Variants in PIGK observed in about 807,000 individuals in gnomAD.
The protein encoded by PIGK is phosphatidylinositol glycan anchor biosynthesis class K.
Under a neutral mutation model 50.6 loss-of-function variants are expected in PIGK, and 42 were observed. The ratio of observed to expected loss-of-function variants is 0.83; its 90% CI spans 0.65 to 1.07. The LOEUF (loss-of-function observed/expected upper bound fraction) is 1.07. Ranked by LOEUF, PIGK falls within the 50% of genes least tolerant of loss-of-function variation. PIGK has a pLI of 0.00. For synonymous variants in PIGK, 151 were observed against 156.0 expected (o/e 0.97, Z 0.24); for missense variants, 448 against 488.7 (o/e 0.92, Z 0.78).
intron 10 of PIGK, among the ~76,000 whole-genome samples, chr1:77,111,242 C>T (rs970174834): frequency 6.6e-6 from 1 of 152,144 alleles, no homozygotes; most frequent in Admixed American, 6.5e-5. Flanking sequence ...TTTGACCCAG[C>T]CATCCTATTA....
At chr1:77,154,894 T>G (rs1438830112) in intron 8 of PIGK, among the ~76,000 whole-genome samples, 1 of 152,176 alleles carries the variant, frequency 6.6e-6, no homozygotes, top group East Asian at 1.9e-4. Context: ...TGCTTCAAAG[T>G]GTATTGTGAA....
At position 77,147,565 on chromosome 1, in the gene PIGK, G is replaced by A. The variant is rs536539883; in HGVS notation, c.986+6884C>T. Among the ~76,000 whole-genome samples, 7 of 152,242 alleles carry A rather than the reference G, an allele frequency of 4.6e-5. No individual in the cohort carries two copies. The South Asian group carries it at 8.3e-4, about 18-fold the overall frequency. On this transcript the variant is annotated intron_variant, in intron 9 of 10. Transcript: ENST00000370812. The stretch of plus-strand genomic sequence containing the variant: ...GCAAAATTTTTACAGTCACAACCTG[G>A]AGGATATCTTCCTAATACAGAAAAG...
intron 8 of PIGK, 147 bp downstream of exon 8, chr1:77,161,148 C>G: frequency 3.4e-6 from 2 of 580,830 alleles, no homozygotes; most frequent in South Asian, 2.4e-5. Context: ...TACTAATATA[C>G]AGGTAAAAGG....
chr1:77,205,630 CTT>C (rs1656270051), intron 3 of PIGK, among the ~76,000 whole-genome samples: 1 of 151,908 alleles, frequency 6.6e-6, no homozygotes, highest in Admixed American at 6.6e-5. Context: ...GGTAAAGTGA[CTT>C]AAAGAAAAAT....
At chr1:77,184,328 T>C (rs1655692122) in intron 3 of PIGK, among the ~76,000 whole-genome samples, 1 of 152,162 alleles carries the variant, frequency 6.6e-6, no homozygotes. Context: ...CAGAGAATCA[T>C]GGCCCCTCAA....
intron 10 of PIGK, among the ~76,000 whole-genome samples, chr1:77,110,830 A>G (rs1653823953): frequency 6.6e-6 from 1 of 152,224 alleles, no homozygotes. Context: ...GGCAACCTAC[A>G]GAGTGGGAGA....
At chr1:77,148,199 T>G (rs1194301787) in intron 9 of PIGK, among the ~76,000 whole-genome samples, 3 of 152,208 alleles carry the variant, frequency 2.0e-5, no homozygotes, top group Non-Finnish European at 4.4e-5. Context: ...TTAAATAAAC[T>G]TTGGATTGCC....
intron 5 of PIGK, among the ~76,000 whole-genome samples, chr1:77,166,502 G>A (rs1328718062): frequency 7.1e-6 from 1 of 140,146 alleles, no homozygotes; most frequent in Non-Finnish European, 1.7e-5. Context: ...CAAGTCAATA[G>A]TAAAAAAATA....
chr1:77,214,867 T>C (rs1020079624), intron 1 of PIGK, among the ~76,000 whole-genome samples: 1 of 152,024 alleles, frequency 6.6e-6, no homozygotes, highest in African/African-American at 2.4e-5. Context: ...AATGAACTAG[T>C]TGAAGAAAAA....
chr1:77,163,468 T>C (rs1655171443), intron 6 of PIGK, among the ~76,000 whole-genome samples: 2 of 152,096 alleles, frequency 1.3e-5, no homozygotes, highest in Non-Finnish European at 2.9e-5. Flanking sequence ...TTTTTTTCCA[T>C]AGAAGAAATA....
intron 3 of PIGK, chr1:77,195,296 C>A: frequency 2.2e-6 from 3 of 1,341,272 alleles, no homozygotes; most frequent in Non-Finnish European, 3.2e-6. Flanking sequence ...GGCAAAGGAG[C>A]AGGGAAGAAA....
chr1:77,182,915 T>C (rs1352375942), intron 3 of PIGK, among the ~76,000 whole-genome samples: 2 of 152,198 alleles, frequency 1.3e-5, no homozygotes, highest in Non-Finnish European at 2.9e-5. Flanking sequence ...AGGAACATAA[T>C]GAAGCTGGTT....
At chr1:77,210,550 T>G (rs1465785408) in intron 1 of PIGK, 61 bp from the exon 2 acceptor site, 17 of 1,026,984 alleles carry the variant, frequency 1.7e-5, no homozygotes, top group Non-Finnish European at 2.4e-5. Context: ...AGACTGATAA[T>G]GGACAGTTGA....
chr1:77,164,342 G>A (rs561420690), intron 5 of PIGK, among the ~76,000 whole-genome samples: 6 of 152,280 alleles, frequency 3.9e-5, no homozygotes, highest in African/African-American at 1.4e-4. Flanking sequence ...AGAAGATTGT[G>A]CTATTTGTAT....
At chr1:77,182,050 C>A (rs1001982140) in intron 3 of PIGK, among the ~76,000 whole-genome samples, 2 of 152,088 alleles carry the variant, frequency 1.3e-5, no homozygotes, top group Non-Finnish European at 2.9e-5. Context: ...CTCATATTAT[C>A]AGAAATAAAA....
chr1:77,216,334 A>G (rs773142229), intron 1 of PIGK, among the ~76,000 whole-genome samples: 3 of 152,218 alleles, frequency 2.0e-5, no homozygotes, highest in African/African-American at 4.8e-5. Flanking sequence ...AAATATCATT[A>G]ACAGATTTTA....
chr1:77,204,566 G>A (rs569288401), intron 3 of PIGK, among the ~76,000 whole-genome samples: 17 of 152,192 alleles, frequency 1.1e-4, no homozygotes, highest in African/African-American at 4.1e-4. Context: ...AAAACTTGCT[G>A]GTTTTGCGGC....
intron 10 of PIGK, 45 bp from the exon 11 acceptor site, chr1:77,092,535 A>G (rs1223582516): frequency 1.0e-6 from 1 of 992,352 alleles, no homozygotes; most frequent in Non-Finnish European, 1.6e-6. Flanking sequence ...CAGGTAAATA[A>G]TTCAGCAATC....
intron 3 of PIGK, chr1:77,195,334 T>C (rs966855343): frequency 2.3e-6 from 3 of 1,305,004 alleles, no homozygotes; most frequent in African/African-American, 1.5e-5. Context: ...GACCACCAAG[T>C]TGAGCCAGCG....
Sources: gnomAD v4.1 joint callset for allele counts (sites outside exome capture counted in the v4.1 genomes callset) on GRCh38, gnomAD v4.1.1 for gene constraint, MANE v1.5 for transcripts, NCBI Gene and HGNC (gene_info 2026-07-23, HGNC 2026-07-21) for gene names.